Variants in SBF2 observed in about 807,000 individuals in gnomAD.
SBF2 encodes SET binding factor 2.
Under a neutral mutation model 225.2 loss-of-function variants are expected in SBF2, and 112 were observed. The observed-to-expected ratio is 0.50, with a 90% CI of 0.43 to 0.58. SBF2 has a LOEUF of 0.58. Ranked by LOEUF, SBF2 falls within the 20% of genes least tolerant of loss-of-function variation. The probability of loss-of-function intolerance (pLI) is 0.00; values close to 1 mark genes in which losing one functional copy is unlikely to be tolerated. For synonymous variants in SBF2, 763 were observed against 773.3 expected (o/e 0.99, Z 0.22); for missense variants, 1,996 against 2,206.2 (o/e 0.90, Z 1.91).
intron 1 of SBF2, among the ~76,000 whole-genome samples, chr11:10,227,459 A>C (rs1192056525): frequency 6.6e-6 from 1 of 152,098 alleles, no homozygotes; most frequent in Non-Finnish European, 1.5e-5. Flanking sequence ...TTTTAGGTCT[A>C]ACGTTTAAGT....
chr11:10,202,780 T>C (rs755806932), intron 1 of SBF2, among the ~76,000 whole-genome samples: 4 of 152,086 alleles, frequency 2.6e-5, no homozygotes, highest in African/African-American at 4.8e-5. Flanking sequence ...AGAGCGAGAC[T>C]CCGTCTCAAA....
At chr11:10,202,567 C>T (rs923153464) in intron 1 of SBF2, among the ~76,000 whole-genome samples, 5 of 152,114 alleles carry the variant, frequency 3.3e-5, no homozygotes, top group East Asian at 1.9e-4. Context: ...GGGTGGATCA[C>T]GAGGTCAGGA....
At chr11:10,299,123 G>A (rs188339819), upstream of SBF2, among the ~76,000 whole-genome samples, 1 of 152,218 alleles carries the variant, frequency 6.6e-6, no homozygotes, top group East Asian at 1.9e-4. Flanking sequence ...CGGATCATGA[G>A]GTCAGCAGAT....
upstream of SBF2, among the ~76,000 whole-genome samples, chr11:10,298,401 A>C (rs564974281): frequency 8.1e-4 from 124 of 152,352 alleles, no homozygotes; most frequent in African/African-American, 2.9e-3. Flanking sequence ...CAAAAAATTA[A>C]AATAAAAAAT....
chr11:9,995,625 T>C (rs1947656704), intron 9 of SBF2, among the ~76,000 whole-genome samples: 1 of 152,028 alleles, frequency 6.6e-6, no homozygotes, highest in Non-Finnish European at 1.5e-5. Context: ...CAATACATTA[T>C]GCTCCTATTT....
At chr11:10,054,422 A>C (rs1308351799) in intron 2 of SBF2, among the ~76,000 whole-genome samples, 1 of 152,242 alleles carries the variant, frequency 6.6e-6, no homozygotes, top group Non-Finnish European at 1.5e-5. Flanking sequence ...CTCAAAGACA[A>C]AGGATAAGCT....
chr11:9,965,297 C>CTT (rs34056394), intron 14 of SBF2, among the ~76,000 whole-genome samples: 222 of 128,804 alleles, frequency 1.7e-3, no homozygotes, highest in African/African-American at 4.9e-3. Flanking sequence ...ATGTTTTAAA[C>CTT]TTTTTTTTTT....
chr11:9,802,211 T>C (rs990001319), intron 32 of SBF2, among the ~76,000 whole-genome samples: 1 of 152,256 alleles, frequency 6.6e-6, no homozygotes, highest in African/African-American at 2.4e-5. Flanking sequence ...GGATTTTTTT[T>C]AATTTGGCTC....
intron 13 of SBF2, among the ~76,000 whole-genome samples, chr11:9,969,631 C>A (rs967922784): frequency 3.3e-5 from 5 of 152,134 alleles, no homozygotes; most frequent in African/African-American, 1.2e-4. Context: ...CAGCATCCTC[C>A]TTCCTTTCTT....
chr11:10,130,741 C>A (rs919892941), intron 2 of SBF2, among the ~76,000 whole-genome samples: 1 of 152,258 alleles, frequency 6.6e-6, no homozygotes, highest in East Asian at 1.9e-4. Context: ...TCCTGGTGAC[C>A]TCTACAATTG....
chr11:9,867,704 C>T (rs11042519), intron 17 of SBF2, among the ~76,000 whole-genome samples: 80,673 of 151,996 alleles, frequency 0.53, 21,554 homozygotes, highest in Non-Finnish European at 0.55. Context: ...GAATGAAATC[C>T]TGTCATTTGC....
At chr11:9,967,286 G>A (rs572255575) in intron 14 of SBF2, among the ~76,000 whole-genome samples, 30 of 151,980 alleles carry the variant, frequency 2.0e-4, no homozygotes, top group African/African-American at 6.8e-4. Flanking sequence ...GCAGGAGAAC[G>A]GTGTGAGCCC....
intron 1 of SBF2, among the ~76,000 whole-genome samples, chr11:10,236,564 A>G (rs553980222): frequency 6.6e-6 from 1 of 152,208 alleles, no homozygotes; most frequent in South Asian, 2.1e-4. Flanking sequence ...GGTTCAAGCA[A>G]TTCTCCTGCC....
At chr11:9,932,233 C>T (rs1320717639) in intron 16 of SBF2, among the ~76,000 whole-genome samples, 1 of 152,062 alleles carries the variant, frequency 6.6e-6, no homozygotes, top group Non-Finnish European at 1.5e-5. Context: ...GAGAACTTCC[C>T]CAACCTAGCA....
At chr11:10,196,383 A>C (rs1229079159) in intron 1 of SBF2, among the ~76,000 whole-genome samples, 1 of 152,068 alleles carries the variant, frequency 6.6e-6, no homozygotes, top group African/African-American at 2.4e-5. Context: ...AATATTTATC[A>C]TATTAATTAT....
intron 2 of SBF2, among the ~76,000 whole-genome samples, chr11:10,047,493 A>G (rs1297150125): frequency 5.9e-5 from 9 of 152,206 alleles, no homozygotes; most frequent in Non-Finnish European, 1.2e-4. Flanking sequence ...TTATATACAC[A>G]TGCAAAGTGC....
intron 1 of SBF2, among the ~76,000 whole-genome samples, chr11:10,212,163 G>T (rs912563503): frequency 4.6e-5 from 7 of 152,168 alleles, no homozygotes; most frequent in African/African-American, 1.4e-4. Flanking sequence ...CTAATTTGGG[G>T]ATTCTTCCAC....
At chr11:9,871,348 T>C (rs1049291896) in intron 17 of SBF2, among the ~76,000 whole-genome samples, 1 of 151,524 alleles carries the variant, frequency 6.6e-6, no homozygotes, top group Non-Finnish European at 1.5e-5. Flanking sequence ...AACAGACACT[T>C]CTCAAAATAA....
chr11:9,787,545 G>T, intron 36 of SBF2, 89 bp downstream of exon 36: 1 of 1,082,104 alleles, frequency 9.2e-7, no homozygotes, highest in Non-Finnish European at 1.4e-6. Flanking sequence ...AAACCCAGCT[G>T]GGTCTTGTCA....
Sources: gnomAD v4.1 joint callset for allele counts (sites outside exome capture counted in the v4.1 genomes callset) on GRCh38, gnomAD v4.1.1 for gene constraint, MANE v1.5 for transcripts, NCBI Gene and HGNC (gene_info 2026-07-23, HGNC 2026-07-21) for gene names.